RSF1: variants seen among roughly 807,000 people sequenced by gnomAD.
The protein encoded by RSF1 is remodeling and spacing factor 1.
Under a neutral mutation model 145.2 loss-of-function variants are expected in RSF1, and 13 were observed. The observed-to-expected ratio is 0.09, with a 90% CI of 0.06 to 0.14. The LOEUF is 0.14. Among genes scored for constraint, RSF1 ranks in the 10% least tolerant of loss-of-function variants. The probability of loss-of-function intolerance (pLI) is 1.00; values close to 1 mark genes in which losing one functional copy is unlikely to be tolerated. For missense variants in RSF1, 1,517 were observed against 1,718.2 expected, an observed-to-expected ratio of 0.88 and a Z score of 2.07; for synonymous variants, 577 against 592.6, an observed-to-expected ratio of 0.97 and a Z score of 0.38.
At chr11:77,775,268 A>G (rs1948330501) in intron 1 of RSF1, among the ~76,000 whole-genome samples, 1 of 151,824 alleles carries the variant, frequency 6.6e-6, no homozygotes, top group Admixed American at 6.6e-5. Context: ...AAAAACCCAA[A>G]ACACAAACTG....
intron 2 of RSF1, among the ~76,000 whole-genome samples, chr11:77,760,333 A>C (rs1260677185): frequency 6.6e-6 from 1 of 152,194 alleles, no homozygotes; most frequent in Non-Finnish European, 1.5e-5. Flanking sequence ...AATACAAAAG[A>C]CCACATATTT....
chr11:77,735,765 G>A (rs1483469645), intron 4 of RSF1, among the ~76,000 whole-genome samples: 1 of 151,996 alleles, frequency 6.6e-6, no homozygotes, highest in African/African-American at 2.4e-5. Context: ...TTGAGATGGA[G>A]GCCGCTCTGT....
At chr11:77,788,873 T>C (rs1948488273) in intron 1 of RSF1, among the ~76,000 whole-genome samples, 1 of 152,064 alleles carries the variant, frequency 6.6e-6, no homozygotes, top group African/African-American at 2.4e-5. Context: ...TTTGAATAGA[T>C]CACCCAAGAG....
At chr11:77,689,697 A>G (rs779020136) in intron 9 of RSF1, among the ~76,000 whole-genome samples, 3 of 152,244 alleles carry the variant, frequency 2.0e-5, no homozygotes, top group Non-Finnish European at 4.4e-5. Context: ...GTTCCATGTA[A>G]ACAAGAGCTT....
At chr11:77,729,518 G>T (rs1029459360) in intron 4 of RSF1, among the ~76,000 whole-genome samples, 10 of 151,332 alleles carry the variant, frequency 6.6e-5, no homozygotes, top group African/African-American at 2.4e-4. Context: ...TTAGTGGTAG[G>T]TGCTAAACAT....
chr11:77,793,612 G>A (rs1442024631), intron 1 of RSF1, among the ~76,000 whole-genome samples: 1 of 152,232 alleles, frequency 6.6e-6, no homozygotes, highest in Non-Finnish European at 1.5e-5. Context: ...CCAAAAGTGA[G>A]CAGAAGTAGC....
chr11:77,697,556 A>G (rs1202946770), intron 7 of RSF1, among the ~76,000 whole-genome samples: 1 of 144,068 alleles, frequency 6.9e-6, no homozygotes. Context: ...TATATATAAT[A>G]GATTAGATAT....
chr11:77,834,611 C>T, the RSF1 span, among the ~76,000 whole-genome samples: 1 of 152,016 alleles, frequency 6.6e-6, no homozygotes, highest in Non-Finnish European at 1.5e-5. Flanking sequence ...TATGGGTTTT[C>T]ACCATGTTGG....
intron 1 of RSF1, among the ~76,000 whole-genome samples, chr11:77,789,529 G>A (rs879879365): frequency 2.6e-5 from 4 of 152,168 alleles, no homozygotes; most frequent in African/African-American, 4.8e-5. Context: ...GGCCACTATG[G>A]CCACAGCTGA....
chr11:77,680,266 C>T (rs1037288210), intron 11 of RSF1, among the ~76,000 whole-genome samples: 2 of 151,312 alleles, frequency 1.3e-5, no homozygotes, highest in Non-Finnish European at 2.9e-5. Flanking sequence ...GACCCTGTAT[C>T]TACAAAAATA....
rs1367315143 is a variant in RSF1, at chr11:77,746,614, T to G, written c.372+422A>C. On this transcript the variant is annotated intron_variant, in intron 3 of 15. Coordinates refer to ENST00000308488, the MANE Select transcript of RSF1 (RefSeq NM_016578.4). ...CTCAAACTTGTAAAAAAGCCTACTT[T>G]GAGATGACCCATTTAAATCAAGTTG... 3.9e-5 allele frequency among the ~76,000 whole-genome samples: 6 copies of G among 152,274 alleles called. No individual in the cohort carries two copies. In the East Asian group the frequency reaches 7.7e-4, roughly 20 times the overall value.
intron 1 of RSF1, among the ~76,000 whole-genome samples, chr11:77,792,706 G>A (rs1948531767): frequency 6.6e-6 from 1 of 151,094 alleles, no homozygotes. Flanking sequence ...TTACCGGCCA[G>A]GAGAGAATGT....
chr11:77,667,565 T>C (rs1196171220), intron 15 of RSF1, 74 bp from the exon 16 acceptor site: 5 of 1,319,334 alleles, frequency 3.8e-6, no homozygotes, highest in East Asian at 2.3e-5. Flanking sequence ...TTCCTCCCGA[T>C]ATTCACCCCA....
At chr11:77,759,997 C>T (rs643388) in intron 2 of RSF1, among the ~76,000 whole-genome samples, 26,775 of 152,118 alleles carry the variant, frequency 0.18, 2,827 homozygotes, top group Non-Finnish European at 0.24. Flanking sequence ...TATGGTACAG[C>T]CGCTATGGAA....
At position 77,701,295 on chromosome 11, in the gene RSF1, T is replaced by C; in HGVS notation, c.1934A>G (p.Lys645Arg). Residue 645 changes from lysine (K) to arginine (R), a missense_variant, in exon 6 of 16, where the codon AAA (lysine) becomes AGA (arginine). By Grantham distance (26) the Lys-to-Arg change is conservative. Coordinates refer to ENST00000308488, the MANE Select transcript of RSF1 (RefSeq NM_016578.4). ...TGTACTCTGGCATTCTACCACTTCT[T>C]TTTCTGAGGCTAGTTTCTCACAGTG... ...IDHCEKLASE[K>R]EVVECQSTST... The C allele has an allele frequency of 6.2e-7, 1 of 1,614,034 alleles. No homozygotes were observed. Among genetic ancestry groups the C allele is most frequent in the Non-Finnish European group, 8.5e-7 (1 of 1,179,986 alleles).
At chr11:77,753,225 G>A (rs950582871) in intron 2 of RSF1, among the ~76,000 whole-genome samples, 4 of 152,134 alleles carry the variant, frequency 2.6e-5, no homozygotes, top group African/African-American at 9.7e-5. Flanking sequence ...CACTCTCTTG[G>A]GGTCTGGATT....
intron 2 of RSF1, among the ~76,000 whole-genome samples, chr11:77,753,509 C>T (rs1170317640): frequency 3.3e-5 from 5 of 152,186 alleles, no homozygotes; most frequent in East Asian, 1.9e-4. Flanking sequence ...ACTTGTCCAA[C>T]GCGTGGCCCA....
At chr11:77,775,652 G>A (rs1027833210) in intron 1 of RSF1, among the ~76,000 whole-genome samples, 1 of 152,218 alleles carries the variant, frequency 6.6e-6, no homozygotes, top group Non-Finnish European at 1.5e-5. Flanking sequence ...AACTTGAGCA[G>A]GGCCAGGTCC....
At chr11:77,717,782 A>G (rs1960850774) in intron 5 of RSF1, 1 of 152,230 alleles carries the variant, frequency 6.6e-6, no homozygotes, top group African/African-American at 2.4e-5. Context: ...TTTTATCTCC[A>G]GTCATATTAA....
Sources: allele counts gnomAD v4.1 joint callset (sites outside exome capture counted in the v4.1 genomes callset), GRCh38; gene constraint gnomAD v4.1.1; transcripts MANE v1.5; gene names NCBI Gene and HGNC (gene_info 2026-07-23, HGNC 2026-07-21).